PIK3CD: variants seen among roughly 807,000 people sequenced by gnomAD.
PIK3CD encodes the protein phosphatidylinositol 4,5-bisphosphate 3-kinase catalytic subunit delta isoform.
A neutral mutation model predicts 122.9 loss-of-function variants in PIK3CD; 20 were observed. The observed-to-expected ratio is 0.16, with a 90% CI of 0.11 to 0.24. The LOEUF is 0.24. PIK3CD is among the 10% of genes least tolerant of loss of function. The pLI is 1.00. For missense variants in PIK3CD, 787 were observed against 1,406.3 expected (o/e 0.56, Z 7.04); for synonymous variants, 596 against 593.4 (o/e 1.00, Z -0.06).
At chr1:9,712,083 T>C (rs752717559) in intron 3 of PIK3CD, among the ~76,000 whole-genome samples, 2 of 149,310 alleles carry the variant, frequency 1.3e-5, no homozygotes, top group Non-Finnish European at 3.0e-5. Flanking sequence ...AACAGCATCT[T>C]TGGAAAGAGA....
At chr1:9,645,655 G>A in the PIK3CD span, among the ~76,000 whole-genome samples, 2 of 147,672 alleles carry the variant, frequency 1.4e-5, no homozygotes, top group Admixed American at 1.4e-4. Flanking sequence ...TGCCCAGACT[G>A]GAGTGCAATG....
intron 1 of PIK3CD, among the ~76,000 whole-genome samples, chr1:9,663,586 A>T (rs1557598041): frequency 7.1e-6 from 1 of 141,034 alleles, no homozygotes; most frequent in Non-Finnish European, 1.5e-5. Flanking sequence ...TTATTTTTTT[A>T]ATATTTTTTT....
chr1:9,720,798 C>T lies in PIK3CD; in HGVS notation c.1578C>T (p.His526=), dbSNP rs901945815. The change falls in exon 13 of 24, where the codon CAC becomes CAT. Residue 526 remains histidine, a synonymous_variant. Coordinates refer to ENST00000377346, the MANE Select transcript of PIK3CD (RefSeq NM_005026.5). This position sits in a 1 kb window ranked among gnomAD's most constrained non-coding sequence, Gnocchi z 9.0. ...GGGGGTCTGGGGAGCTGTATGAGCA[C>T]GAGAAGGACCTGGTGTGGAAGCTGC... ...ERRGSGELYE[H]EKDLVWKLRH... 11 of 1,612,926 alleles carry T rather than the reference C, an allele frequency of 6.8e-6. No homozygotes were observed. The highest frequency in any genetic ancestry group is 1.1e-5 in the South Asian group (1 of 91,022).
chr1:9,716,036 G>T lies in PIK3CD; in HGVS notation c.558G>T (p.Pro186=). Residue 186 remains proline (P), a synonymous_variant, in exon 5 of 24, where the codon CCG becomes CCT. Coordinates refer to ENST00000377346, the MANE Select transcript of PIK3CD (RefSeq NM_005026.5). ...QTWGPGTLRL[P]NRALLVNVKF... ...GGGGGCCTGGTACCCTGCGGCTCCC[G>T]AACCGGGCCCTTCTGGTCAACGTTA... 6.2e-7 allele frequency: 1 copy of T among 1,612,620 alleles called. No homozygotes were observed. Among genetic ancestry groups the T allele is most frequent in the South Asian group, 1.1e-5 (1 of 91,056 alleles).
At chr1:9,714,939 G>A (rs1412657673) in intron 3 of PIK3CD, among the ~76,000 whole-genome samples, 3 of 152,102 alleles carry the variant, frequency 2.0e-5, no homozygotes, top group Non-Finnish European at 2.9e-5. Context: ...GGGAGGCCGA[G>A]GTGGGTGGAT....
intron 1 of PIK3CD, among the ~76,000 whole-genome samples, chr1:9,683,732 T>A (rs962628495): frequency 6.6e-6 from 1 of 152,136 alleles, no homozygotes; most frequent in African/African-American, 2.4e-5. Context: ...ACTGTGATGC[T>A]CACGGTCCCA....
chr1:9,647,060 G>A (rs1364806937), upstream of PIK3CD, among the ~76,000 whole-genome samples: 4 of 151,804 alleles, frequency 2.6e-5, no homozygotes, highest in African/African-American at 4.8e-5. Context: ...GCAGTGAGCC[G>A]AGATCGTGTC....
chr1:9,637,310 G>T, the PIK3CD span, among the ~76,000 whole-genome samples: 1 of 151,724 alleles, frequency 6.6e-6, no homozygotes, highest in South Asian at 2.1e-4. Context: ...TGGGAGGATT[G>T]CTTGAGCCCA....
chr1:9,711,714 A>G (rs558060810), intron 3 of PIK3CD, among the ~76,000 whole-genome samples: 205 of 152,166 alleles, frequency 1.3e-3, no homozygotes, highest in African/African-American at 4.7e-3. Flanking sequence ...AGCTGGGACT[A>G]CAGGCACGTG....
the PIK3CD span, among the ~76,000 whole-genome samples, chr1:9,644,516 CAAATAAATAAATAAAT>C: frequency 8.2e-5 from 12 of 145,558 alleles, no homozygotes; most frequent in East Asian, 6.1e-4. Flanking sequence ...GACTCCGTCT[CAAATAAATAAATAAAT>C]AAATAAATAA....
At position 9,666,075 on chromosome 1, in the gene PIK3CD, C is replaced by T. The variant is rs534500643; in HGVS notation, c.-138+14273C>T. ...CAGAGTAGCTGGGATTACAGGCGCCCGCCATCATACCCTGCTAATTTTTTG... is the reference window on the plus strand; with the variant it reads ...CAGAGTAGCTGGGATTACAGGCGCCTGCCATCATACCCTGCTAATTTTTTG... On this transcript the variant is annotated intron_variant, in intron 1 of 23. Transcript: ENST00000377346. Among the ~76,000 whole-genome samples the T allele has an allele frequency of 3.3e-5, 5 of 152,012 alleles. No individual in the cohort carries two copies. In the South Asian group the frequency reaches 6.2e-4, roughly 19 times the overall value.
chr1:9,721,266 G>A lies in PIK3CD; in HGVS notation c.1811+18G>A, dbSNP rs960441031. ...AAACTGACGTGAGTCCCAGCTGGGCGCTCCCCACTTCTCCAGAGGGCAGCT... is the reference window on the plus strand; with the variant it reads ...AAACTGACGTGAGTCCCAGCTGGGCACTCCCCACTTCTCCAGAGGGCAGCT... On this transcript the variant is annotated intron_variant, in intron 14 of 23. Coordinates refer to ENST00000377346, the MANE Select transcript of PIK3CD (RefSeq NM_005026.5). 6.2e-6 allele frequency: 10 copies of A among 1,612,924 alleles called. No homozygotes were observed. Among genetic ancestry groups the A allele is most frequent in the African/African-American group, 1.3e-5 (1 of 74,916 alleles).
intron 1 of PIK3CD, among the ~76,000 whole-genome samples, chr1:9,659,976 C>A (rs370648707): frequency 6.6e-6 from 1 of 152,054 alleles, no homozygotes; most frequent in African/African-American, 2.4e-5. Flanking sequence ...AGTGCAATGG[C>A]GCGATCTTGG....
Position 9,724,722 on chromosome 1 carries a change from G to C in PIK3CD, c.2865-82G>C. 1 of 1,566,746 alleles carries C rather than the reference G, an allele frequency of 6.4e-7. No homozygotes were observed. The highest frequency in any genetic ancestry group is 8.8e-7 in the Non-Finnish European group (1 of 1,139,438). ...GGCAAGGGCAGGTGTCCTTGGGGAAGGGGCTGGTTGGATGCAGAGCGGCCC... is the reference window on the plus strand; with the variant it reads ...GGCAAGGGCAGGTGTCCTTGGGGAACGGGCTGGTTGGATGCAGAGCGGCCC... On this transcript the variant is annotated intron_variant, in intron 22 of 23. Transcript: ENST00000377346. This position sits in a 1 kb window ranked among gnomAD's most constrained non-coding sequence, Gnocchi z 7.3.
chr1:9,663,217 C>A (rs1645058666), intron 1 of PIK3CD, among the ~76,000 whole-genome samples: 1 of 152,192 alleles, frequency 6.6e-6, no homozygotes, highest in South Asian at 2.1e-4. Flanking sequence ...AAGACCCAGT[C>A]GTAGTCCCCA....
chr1:9,658,521 ATTTTTTTTTT>A (rs1165670404), intron 1 of PIK3CD, among the ~76,000 whole-genome samples: 2 of 91,206 alleles, frequency 2.2e-5, no homozygotes, highest in African/African-American at 1.0e-4. Flanking sequence ...TCCCAGCCAC[ATTTTTTTTTT>A]TTTTTTTTTT....
In PIK3CD at chr1:9,728,521, G is replaced by GCTCAGCGGCTCAGGTGCC. The variant is rs1553173731; in HGVS notation, c.*1476_*1493dup. 1.3e-5 allele frequency: 2 copies of GCTCAGCGGCTCAGGTGCC among 152,264 alleles called. No homozygotes were observed. Among genetic ancestry groups the GCTCAGCGGCTCAGGTGCC allele is most frequent in the Non-Finnish European group, 2.9e-5 (2 of 68,058 alleles). The allele number at this position is 152,264 out of a possible 1,614,324, so 9.4% of individuals were successfully genotyped here. On this transcript the variant is annotated 3_prime_UTR_variant, in exon 24 of 24. Coordinates refer to ENST00000377346, the MANE Select transcript of PIK3CD (RefSeq NM_005026.5). ...TCAACAGAGCCAGAAGTAGCCGCCC[G>GCTCAGCGGCTCAGGTGCC]CTCAGCGGCTCAGGTGCCAGCTCTG...
Position 9,724,785 on chromosome 1 carries a change from C to A in PIK3CD, c.2865-19C>A, listed in dbSNP as rs371194095. 1.2e-6 allele frequency: 2 copies of A among 1,612,196 alleles called. No individual in the cohort carries two copies. The highest frequency in any genetic ancestry group is 1.7e-6 in the Non-Finnish European group (2 of 1,180,024). ...CTGGGAGTTCCCAGAGCCTCACTTC[C>A]TCTGTCCCCTACCTGCAGGTTCCGG... On this transcript the variant is annotated intron_variant, in intron 22 of 23. Transcript: ENST00000377346. The surrounding 1 kb of genome is among the most constrained non-coding windows in gnomAD (Gnocchi z 7.3).
At chr1:9,726,868 CG>C in intron 23 of PIK3CD, 40 bp from the exon 24 acceptor site, 1 of 1,612,974 alleles carries the variant, frequency 6.2e-7, no homozygotes, top group Admixed American at 1.7e-5. Context: ...GAGCAAGGTC[CG>C]GGCCCCCTTA....
Sources: gnomAD v4.1 joint callset for allele counts (sites outside exome capture counted in the v4.1 genomes callset) on GRCh38, gnomAD v4.1.1 for gene constraint, Gnocchi (gnomAD v3.1) non-coding constraint, MANE v1.5 for transcripts, NCBI Gene and HGNC (gene_info 2026-07-23, HGNC 2026-07-21) for gene names.